KANSL3: variants seen among roughly 807,000 people sequenced by gnomAD.
KANSL3 encodes NSL complex protein NSL3.
In KANSL3, 16 loss-of-function variants were observed where a neutral mutation model predicts 89.2. The ratio of observed to expected loss-of-function variants is 0.18; its 90% confidence interval spans 0.12 to 0.27. The LOEUF is 0.27. Ranked by LOEUF, KANSL3 falls within the 10% of genes least tolerant of loss-of-function variation. KANSL3 has a pLI of 1.00. For missense variants in KANSL3, 879 were observed against 1,110.6 expected (o/e 0.79, Z 2.96); for synonymous variants, 385 against 419.7 (o/e 0.92, Z 1.01).
downstream of KANSL3, chr2:96,593,148 AAAG>A (rs2104779132): frequency 2.3e-6 from 1 of 428,558 alleles, no homozygotes; most frequent in African/African-American, 2.0e-5. Flanking sequence ...AGTCAACTGA[AAAG>A]AAGCTGAAGC....
the KANSL3 span, among the ~76,000 whole-genome samples, chr2:96,585,040 T>C: frequency 2.6e-5 from 4 of 152,224 alleles, no homozygotes; most frequent in African/African-American, 4.8e-5. Context: ...ATTTTCTCTA[T>C]GGAAGCCTTT....
At position 96,637,077 on chromosome 2, in the gene KANSL3, G is replaced by A. The variant is rs1216134062; in HGVS notation, c.59C>T (p.Ser20Leu). The A allele has an allele frequency of 3.9e-6, 6 of 1,551,702 alleles. No homozygotes were observed. The highest frequency in any genetic ancestry group is 1.2e-5 in the South Asian group (1 of 84,048). ...FQTSARRMGT[S>L]LLFQLSVHER... ...ATGCACTGAAAGCTGGAAGAGCAGCGAGGTGCCCATGCGTCGAGCTGAAGT... is the reference window on the plus strand; with the variant it reads ...ATGCACTGAAAGCTGGAAGAGCAGCAAGGTGCCCATGCGTCGAGCTGAAGT... The change falls in exon 2 of 21, where the codon TCG becomes TTG. Residue 20 changes from serine to leucine, a missense_variant. Coordinates refer to ENST00000431828, the MANE Select transcript of KANSL3 (RefSeq NM_001115016.3).
chr2:96,604,818 G>A lies in KANSL3; in HGVS notation c.1979C>T (p.Ala660Val), dbSNP rs374693835. 6 of 1,600,180 alleles carry A rather than the reference G, an allele frequency of 3.7e-6. No homozygotes were observed. Among genetic ancestry groups the A allele is most frequent in the Non-Finnish European group, 5.1e-6 (6 of 1,173,548 alleles). The change falls in exon 16 of 21, where the codon GCA (alanine) becomes GTA (valine). Residue 660 changes from alanine (A) to valine (V), a missense_variant. Physicochemically the swap from Ala to Val is moderately conservative, Grantham distance 64. Coordinates refer to ENST00000431828, the MANE Select transcript of KANSL3 (RefSeq NM_001115016.3). ...AAGTCCTGTGAGCTCCTTGGCCCCTGCTGAAGCCTGCCCCAGTGTCATGGT... is the reference window on the plus strand; with the variant it reads ...AAGTCCTGTGAGCTCCTTGGCCCCTACTGAAGCCTGCCCCAGTGTCATGGT... ...PITMTLGQAS[A>V]GAKELTGLLT... is the part of the protein sequence containing the mutation.
intron 15 of KANSL3, among the ~76,000 whole-genome samples, 159 bp from the exon 16 acceptor site, chr2:96,605,022 CCTT>C (rs1306315157): frequency 6.6e-6 from 1 of 152,134 alleles, no homozygotes; most frequent in Non-Finnish European, 1.5e-5. Flanking sequence ...GTTATTTTTT[CCTT>C]CTATTTTCTA....
intron 5 of KANSL3, among the ~76,000 whole-genome samples, chr2:96,614,864 C>T (rs184501280): frequency 1.3e-5 from 2 of 150,654 alleles, no homozygotes; most frequent in East Asian, 3.9e-4. Flanking sequence ...GGGTGCAGCA[C>T]ACCAACATGG....
At chr2:96,615,642 C>T (rs768988467) in intron 5 of KANSL3, 18 of 469,842 alleles carry the variant, frequency 3.8e-5, no homozygotes, top group Non-Finnish European at 6.5e-5. Context: ...CGGTTTGATG[C>T]AAGTTGTAAA....
Position 96,611,129 on chromosome 2 carries a change from T to C in KANSL3, c.1096A>G (p.Met366Val), listed in dbSNP as rs1197627395. The change falls in exon 10 of 21, where the codon ATG (methionine) becomes GTG (valine). Residue 366 changes from methionine (M) to valine (V), a missense_variant. By Grantham distance (21) the Met-to-Val change is conservative. Around this residue, in one of 6 missense-constraint regions of KANSL3, gnomAD observed 198 missense variants for 260.3 expected, o/e 0.76. Transcript: ENST00000431828. ...GALVACHVSV[M>V]EYVTAVVCLG... Reference sequence around the variant, plus strand: ...CAGACAACTGCAGTGACATACTCCATTACTGACACCTGTAAATAACAGAAC... The same window carrying C: ...CAGACAACTGCAGTGACATACTCCACTACTGACACCTGTAAATAACAGAAC... The C allele has an allele frequency of 1.9e-6, 3 of 1,613,722 alleles. No homozygotes were observed. Among genetic ancestry groups the C allele is most frequent in the Non-Finnish European group, 2.5e-6 (3 of 1,179,724 alleles).
rs568665808 is a variant in KANSL3, at chr2:96,595,018, C to T, written c.*593G>A. ...AAAACCAGAAGTTTCCAGGAGTCAG[C>T]AAGCTACTCAGTATCTGACGTGGTT... On this transcript the variant is annotated 3_prime_UTR_variant, in exon 21 of 21. Transcript: ENST00000431828. 6.6e-6 allele frequency: 1 copy of T among 152,508 alleles called. No homozygotes were observed. The highest frequency in any genetic ancestry group is 1.9e-4 in the East Asian group (1 of 5,176). The allele number at this position is 152,508 out of a possible 1,614,324, so 9.4% of individuals were successfully genotyped here.
the KANSL3 span, among the ~76,000 whole-genome samples, chr2:96,586,715 C>CG: frequency 2.0e-5 from 3 of 152,226 alleles, no homozygotes; most frequent in Non-Finnish European, 4.4e-5. Flanking sequence ...CAGGCTTCAA[C>CG]GCCTGGCCTT....
intron 3 of KANSL3, chr2:96,628,246 C>G (rs2106070176): frequency 1.0e-6 from 1 of 985,398 alleles, no homozygotes; most frequent in African/African-American, 1.7e-5. Flanking sequence ...CTCCACTCAT[C>G]TATTCACTTC....
At chr2:96,612,410 A>C (rs978564864) in intron 8 of KANSL3, 52 bp downstream of exon 8, 3 of 1,605,200 alleles carry the variant, frequency 1.9e-6, no homozygotes, top group Non-Finnish European at 1.7e-6. Context: ...GGTGCAGAAC[A>C]ACCCCAGAAT....
chr2:96,616,487 C>T (rs886827434), intron 5 of KANSL3, among the ~76,000 whole-genome samples: 1 of 152,202 alleles, frequency 6.6e-6, no homozygotes, highest in Admixed American at 6.5e-5. Context: ...CCCTCTTTAT[C>T]ATAATGGATC....
chr2:96,634,194 A>C (rs1417304226), intron 2 of KANSL3: 3 of 152,270 alleles, frequency 2.0e-5, no homozygotes, highest in African/African-American at 7.2e-5. Context: ...ACAGAAACAA[A>C]TATAAATGAA....
At position 96,637,052 on chromosome 2, in the gene KANSL3, A is replaced by G. The variant is rs1054289874; in HGVS notation, c.84T>C (p.His28=). Residue 28 remains histidine (H), a synonymous_variant, in exon 2 of 21, where the codon CAT becomes CAC. Coordinates refer to ENST00000431828, the MANE Select transcript of KANSL3 (RefSeq NM_001115016.3). ...GTSLLFQLSV[H]ERELDLVFLD... Reference sequence around the variant, plus strand: ...GAAAAACCAGGTCCAGCTCCCGTTCATGCACTGAAAGCTGGAAGAGCAGCG... The same window carrying G: ...GAAAAACCAGGTCCAGCTCCCGTTCGTGCACTGAAAGCTGGAAGAGCAGCG... 1.9e-6 allele frequency: 3 copies of G among 1,551,686 alleles called. No individual in the cohort carries two copies. Among genetic ancestry groups the G allele is most frequent in the Admixed American group, 2.0e-5 (1 of 50,996 alleles).
At chr2:96,596,710 T>C (rs944637311) in intron 20 of KANSL3, among the ~76,000 whole-genome samples, 1 of 152,228 alleles carries the variant, frequency 6.6e-6, no homozygotes, top group Non-Finnish European at 1.5e-5. Flanking sequence ...ATGATCACTC[T>C]GTTCTGATTA....
chr2:96,606,521 AG>A, intron 14 of KANSL3: 1 of 160,238 alleles, frequency 6.2e-6, no homozygotes, highest in South Asian at 1.8e-4. Context: ...AGGATTGCTT[AG>A]GGGACAAATG....
At chr2:96,602,369 A>C in intron 18 of KANSL3, 31 bp from the exon 19 acceptor site, 1 of 1,541,956 alleles carries the variant, frequency 6.5e-7, no homozygotes. Context: ...GGTGATCAGA[A>C]GCTGTCGCCC....
At position 96,604,047 on chromosome 2, in the gene KANSL3, AC is replaced by A. The variant is rs2067590072; in HGVS notation, c.2149+202del. On this transcript the variant is annotated intron_variant, in intron 17 of 20. Transcript: ENST00000431828. ...AACATTTACTCACTTGCAGACCAGG[AC>A]ATTTACTCACTGCATTTATTCAAGG... The A allele has an allele frequency of 8.1e-6, 4 of 494,016 alleles. No individual in the cohort carries two copies. The South Asian group carries it at 1.5e-4, about 18-fold the overall frequency. The allele number at this position is 494,016 out of a possible 1,614,324, so 30.6% of individuals were successfully genotyped here. A position where few individuals can be genotyped will look rare whatever the true frequency, so the allele number is the denominator to read the frequency against.
chr2:96,619,005 G>A (rs567233661), intron 5 of KANSL3, among the ~76,000 whole-genome samples: 26 of 152,324 alleles, frequency 1.7e-4, no homozygotes, highest in African/African-American at 6.0e-4. Context: ...CGAGCACCAA[G>A]GGTCTGCTTC....
Sources: gnomAD v4.1 joint callset for allele counts (sites outside exome capture counted in the v4.1 genomes callset) on GRCh38, gnomAD v4.1.1 for gene constraint, gnomAD v4.1.1 regional missense constraint, MANE v1.5 for transcripts, NCBI Gene and HGNC (gene_info 2026-07-23, HGNC 2026-07-21) for gene names.